POLN: variants seen among roughly 807,000 people sequenced by gnomAD.
The protein encoded by POLN is DNA polymerase N.
Under a neutral mutation model 113.5 loss-of-function variants are expected in POLN, and 108 were observed. The observed-to-expected ratio is 0.95, with a 90% CI of 0.81 to 1.12. The LOEUF is 1.12. Among genes scored for constraint, POLN ranks in the 50% most tolerant of loss-of-function variants. The pLI is 0.00. For missense variants in POLN, 1,097 were observed against 1,077.1 expected (o/e 1.02, Z -0.26); for synonymous variants, 386 against 391.5 (o/e 0.99, Z 0.17).
chr4:2,199,686 C>T (rs1010110783), intron 5 of POLN, among the ~76,000 whole-genome samples: 1 of 152,178 alleles, frequency 6.6e-6, no homozygotes, highest in African/African-American at 2.4e-5. Flanking sequence ...AAGCAATTCT[C>T]CTGACTCAGC....
chr4:2,103,902 C>G (rs566102954), intron 19 of POLN, among the ~76,000 whole-genome samples: 1 of 152,370 alleles, frequency 6.6e-6, no homozygotes, highest in East Asian at 1.9e-4. Flanking sequence ...GAAATAAAGT[C>G]TTTCCCAGAC....
intron 20 of POLN, chr4:2,089,335 G>T: frequency 7.2e-7 from 1 of 1,389,042 alleles, no homozygotes; most frequent in Non-Finnish European, 1.0e-6. Context: ...TGATATTCCT[G>T]GTGAAGACTG....
At chr4:2,176,517 A>C (rs1267036575) in intron 8 of POLN, among the ~76,000 whole-genome samples, 183 bp from the exon 9 acceptor site, 1 of 152,238 alleles carries the variant, frequency 6.6e-6, no homozygotes, top group African/African-American at 2.4e-5. Context: ...GCATCTGTAG[A>C]AAGTGCTTCT....
intron 23 of POLN, chr4:2,079,643 G>T (rs1730357034): frequency 1.0e-6 from 1 of 977,452 alleles, no homozygotes. Context: ...GGAGTGCAGT[G>T]GTGCGATCTT....
intron 24 of POLN, among the ~76,000 whole-genome samples, chr4:2,073,720 T>A (rs1452085767): frequency 6.6e-6 from 1 of 152,232 alleles, no homozygotes; most frequent in East Asian, 1.9e-4. Context: ...TTTTGTGCTG[T>A]GTGACACTGC....
chr4:2,116,563 A>AC (rs397796593), intron 19 of POLN, among the ~76,000 whole-genome samples: 21 of 150,330 alleles, frequency 1.4e-4, no homozygotes, highest in African/African-American at 3.7e-4. Flanking sequence ...AAAAAAAAAA[A>AC]CCCAAATCCA....
At chr4:2,108,299 C>G (rs1035754037) in intron 19 of POLN, among the ~76,000 whole-genome samples, 5 of 152,152 alleles carry the variant, frequency 3.3e-5, no homozygotes, top group African/African-American at 4.8e-5. Flanking sequence ...AACTGTGCCC[C>G]CTCAGGCACA....
chr4:2,210,615 TAATAATAATAATAATAA>T (rs1237257127), intron 4 of POLN, among the ~76,000 whole-genome samples: 71 of 135,530 alleles, frequency 5.2e-4, no homozygotes, highest in African/African-American at 2.1e-3. Context: ...ATAATAATAA[TAATAATAATAATAATAA>T]AAAAAAGAGG....
chr4:2,161,391 C>T (rs992954639), intron 13 of POLN, among the ~76,000 whole-genome samples: 1 of 152,226 alleles, frequency 6.6e-6, no homozygotes, highest in Admixed American at 6.5e-5. Flanking sequence ...CTAGCCCGGG[C>T]AATGAGGGGC....
chr4:2,158,767 T>C (rs1352606920), intron 14 of POLN, among the ~76,000 whole-genome samples: 2 of 152,172 alleles, frequency 1.3e-5, no homozygotes, highest in Non-Finnish European at 2.9e-5. Context: ...CAAATGTAAG[T>C]GCAAGATGAC....
chr4:2,238,076 T>C (rs1734831677), intron 2 of POLN, among the ~76,000 whole-genome samples: 1 of 152,180 alleles, frequency 6.6e-6, no homozygotes, highest in Admixed American at 6.5e-5. Context: ...AGGAGACAGA[T>C]TTTTGAGGTC....
intron 17 of POLN, among the ~76,000 whole-genome samples, 192 bp from the exon 18 acceptor site, chr4:2,129,448 G>A (rs142506210): frequency 6.6e-6 from 1 of 151,950 alleles, no homozygotes; most frequent in Admixed American, 6.6e-5. Flanking sequence ...GAGTGCAGTG[G>A]CACAATCATA....
At chr4:2,157,080 G>T (rs1264564533) in intron 15 of POLN, among the ~76,000 whole-genome samples, 1 of 152,202 alleles carries the variant, frequency 6.6e-6, no homozygotes, top group Non-Finnish European at 1.5e-5. Flanking sequence ...TGTAGGAACT[G>T]CCATAAGACT....
chr4:2,085,684 T>C lies in POLN; in HGVS notation c.2126A>G (p.Glu709Gly). The C allele has an allele frequency of 6.2e-7, 1 of 1,614,090 alleles. No homozygotes were observed. The highest frequency in any genetic ancestry group is 8.5e-7 in the Non-Finnish European group (1 of 1,180,024). ...TTTCTTGTACTTCTGCAAAAAACTC[T>C]CCAAAAACTGGGCAGCTTCCTGAAT... ...VPIQEAAQFL[E>G]SFLQKYKKIK... Residue 709 changes from glutamate to glycine, a missense_variant, in exon 21 of 26, where the codon GAG becomes GGG. By Grantham distance (98) the Glu-to-Gly change is moderately conservative. Transcript: ENST00000511885.
intron 3 of POLN, chr4:2,228,813 G>T (rs1734475722): frequency 3.4e-6 from 1 of 289,960 alleles, no homozygotes; most frequent in African/African-American, 2.2e-5. Flanking sequence ...TGAGAACCAA[G>T]ATTAAAGCAT....
Position 2,123,108 on chromosome 4 carries a change from C to A in POLN, c.1982+5005G>T, listed in dbSNP as rs80012151. Among the ~76,000 whole-genome samples, 36 of 152,048 alleles carry A rather than the reference C, an allele frequency of 2.4e-4. 1 individual carries two copies. The East Asian group carries it at 6.8e-3, about 29-fold the overall frequency. On this transcript the variant is annotated intron_variant, in intron 19 of 25. Coordinates refer to ENST00000511885, the MANE Select transcript of POLN (RefSeq NM_181808.4). ...AGCAAGCGGTTGAGGCTGCAGTGAG[C>A]TGTGAGTGGGAGTGAGCCACTGCAT...
At chr4:2,210,007 T>TTATATATATATATATATATACACA (rs139428211) in intron 4 of POLN, among the ~76,000 whole-genome samples, 9 of 146,164 alleles carry the variant, frequency 6.2e-5, no homozygotes, top group African/African-American at 2.2e-4. Flanking sequence ...TAAATTTACT[T>TTATATATATATATATATATACACA]TATATATATA....
intron 20 of POLN, among the ~76,000 whole-genome samples, chr4:2,092,997 C>A (rs1172776349): frequency 6.6e-6 from 1 of 152,230 alleles, no homozygotes; most frequent in African/African-American, 2.4e-5. Flanking sequence ...GGGTGGGAAC[C>A]CTTGTCACTG....
chr4:2,077,287 G>C (rs571931702), intron 23 of POLN, among the ~76,000 whole-genome samples: 2 of 152,220 alleles, frequency 1.3e-5, no homozygotes, highest in East Asian at 1.9e-4. Flanking sequence ...TGGACTTCTC[G>C]TGATGGGAGA....
Sources: gnomAD v4.1 joint callset for allele counts (sites outside exome capture counted in the v4.1 genomes callset) on GRCh38, gnomAD v4.1.1 for gene constraint, MANE v1.5 for transcripts, NCBI Gene and HGNC (gene_info 2026-07-23, HGNC 2026-07-21) for gene names.